INTS2: variants seen among roughly 807,000 people sequenced by gnomAD.
The protein encoded by INTS2 is integrator complex subunit 2, also known as KIAA1287.
In INTS2, 57 loss-of-function variants were observed where a neutral mutation model predicts 139.6. The observed-to-expected ratio is 0.41, with a 90% CI of 0.33 to 0.51. The LOEUF is 0.51. Among genes scored for constraint, INTS2 ranks in the 20% least tolerant of loss-of-function variants. The pLI is 0.28. For missense variants in INTS2, 1,196 were observed against 1,436.7 expected (o/e 0.83, Z 2.71); for synonymous variants, 473 against 493.4 (o/e 0.96, Z 0.55).
intron 9 of INTS2, among the ~76,000 whole-genome samples, chr17:61,899,813 A>G (rs58624595): frequency 0.16 from 24,893 of 151,488 alleles, 2,491 homozygotes; most frequent in East Asian, 0.54. Flanking sequence ...ACGGGAGGCT[A>G]AGATGGGAGG....
rs77639646 is a variant in INTS2 at position 61,906,562 on chromosome 17, G to T, written c.1181+846C>A. Among the ~76,000 whole-genome samples the T allele has an allele frequency of 3.8e-3, 583 of 152,274 alleles. 1 individual carries two copies. The highest frequency in any genetic ancestry group is 0.01 in the Middle Eastern group (3 of 294). On this transcript the variant is annotated intron_variant, in intron 8 of 24. Coordinates refer to ENST00000251334, the MANE Select transcript of INTS2 (RefSeq NM_001351695.2). ...TCATGGCAACTGAAATGGCAACTGT[G>T]TTGAGAGACCAGCATTATTTAAATA...
At chr17:61,924,228 T>A (rs958689066) in intron 3 of INTS2, among the ~76,000 whole-genome samples, 10 of 152,194 alleles carry the variant, frequency 6.6e-5, no homozygotes, top group African/African-American at 2.2e-4. Flanking sequence ...TCACATACAT[T>A]TTTCAGTTAT....
intron 14 of INTS2, among the ~76,000 whole-genome samples, chr17:61,890,303 T>C (rs2079276894): frequency 6.6e-6 from 1 of 151,940 alleles, no homozygotes; most frequent in South Asian, 2.1e-4. Flanking sequence ...GGGGAAAAAA[T>C]ACTTTCATCA....
At chr17:61,881,235 C>T (rs1221588456) in intron 16 of INTS2, 64 bp from the exon 17 acceptor site, 12 of 1,273,688 alleles carry the variant, frequency 9.4e-6, no homozygotes, top group Non-Finnish European at 1.3e-5. Flanking sequence ...TTCCCCACCC[C>T]TCTCATTTTT....
At chr17:61,905,394 TCGGCTCAC>T (rs2079450883) in intron 8 of INTS2, among the ~76,000 whole-genome samples, 1 of 152,234 alleles carries the variant, frequency 6.6e-6, no homozygotes, top group African/African-American at 2.4e-5. Context: ...TGGCACAATC[TCGGCTCAC>T]TGCAAACTCT....
chr17:61,874,723 A>G (rs2079114138), intron 19 of INTS2, among the ~76,000 whole-genome samples, 190 bp downstream of exon 19: 2 of 152,358 alleles, frequency 1.3e-5, no homozygotes, highest in East Asian at 3.8e-4. Flanking sequence ...ATCACATACT[A>G]AATATTAAAA....
intron 4 of INTS2, chr17:61,921,486 C>A: frequency 3.6e-6 from 1 of 281,670 alleles, no homozygotes; most frequent in Non-Finnish European, 6.6e-6. Context: ...AAATCATTAA[C>A]GAGCATTAAA....
intron 8 of INTS2, 48 bp from the exon 9 acceptor site, chr17:61,904,633 G>T (rs754059775): frequency 9.5e-6 from 14 of 1,474,070 alleles, no homozygotes; most frequent in Admixed American, 7.4e-5. Context: ...TTGGGATGAA[G>T]AAGAAAAAGT....
intron 14 of INTS2, among the ~76,000 whole-genome samples, chr17:61,890,175 AAGAC>A (rs766710434): frequency 6.6e-6 from 1 of 152,250 alleles, no homozygotes; most frequent in Non-Finnish European, 1.5e-5. Flanking sequence ...CTGCTTCTGA[AAGAC>A]AGGAGTCCCA....
rs1328063794 is a variant in INTS2 at position 61,893,756 on chromosome 17, G to A, written c.1698+9C>T. On this transcript the variant is annotated intron_variant, in intron 13 of 24. Coordinates refer to ENST00000251334, the MANE Select transcript of INTS2 (RefSeq NM_001351695.2). This position sits in a 1 kb window ranked among gnomAD's most constrained non-coding sequence, Gnocchi z 5.4. The stretch of plus-strand genomic sequence containing the variant: ...ATGCTTTTATTTTGTTTTATTTGTA[G>A]GGGCATACTTTTATTGACACTTTGT... 9 of 1,556,726 alleles carry A rather than the reference G, an allele frequency of 5.8e-6. 1 individual carries two copies. Among genetic ancestry groups the A allele is most frequent in the African/African-American group, 1.4e-5 (1 of 73,196 alleles).
chr17:61,876,686 G>A lies in INTS2; in HGVS notation c.2456+1201C>T, dbSNP rs1261865428. On this transcript the variant is annotated intron_variant, in intron 18 of 24. Transcript: ENST00000251334. This position sits in a 1 kb window ranked among gnomAD's most constrained non-coding sequence, Gnocchi z 4.1. ...TTGAACTCCTGAGCTCAGGTGATCC[G>A]TCCACCTCGGCCTCCCAAAGTGCTA... Among the ~76,000 whole-genome samples, 2 of 151,966 alleles carry A rather than the reference G, an allele frequency of 1.3e-5. No individual in the cohort carries two copies. The highest frequency in any genetic ancestry group is 3.9e-4 in the East Asian group (2 of 5,180).
chr17:61,891,385 G>A, intron 14 of INTS2, 128 bp downstream of exon 14: 1 of 737,832 alleles, frequency 1.4e-6, no homozygotes, highest in Non-Finnish European at 2.2e-6. Context: ...GGTGATCTAA[G>A]GAAATTTAAT....
At position 61,871,493 on chromosome 17, in the gene INTS2, T is replaced by C. The variant is rs2079088491; in HGVS notation, c.2778+772A>G. On this transcript the variant is annotated intron_variant, in intron 20 of 24. Transcript: ENST00000251334. The surrounding 1 kb of genome is among the most constrained non-coding windows in gnomAD (Gnocchi z 4.9). ...TATTTATCACTGCCTGACATTTTAT[T>C]ATACATGCAGTTGTTTTTCTGTTGT... Among the ~76,000 whole-genome samples, 1 of 152,216 alleles carries C rather than the reference T, an allele frequency of 6.6e-6. No individual in the cohort carries two copies. Among genetic ancestry groups the C allele is most frequent in the Admixed American group, 6.5e-5 (1 of 15,284 alleles).
intron 5 of INTS2, among the ~76,000 whole-genome samples, chr17:61,915,691 C>T (rs868492668): frequency 6.9e-6 from 1 of 145,476 alleles, no homozygotes; most frequent in East Asian, 2.0e-4. Context: ...ATTAGCCGGG[C>T]GTGGTGGCGG....
At chr17:61,906,068 GT>G (rs1424451847) in intron 8 of INTS2, among the ~76,000 whole-genome samples, 3 of 152,108 alleles carry the variant, frequency 2.0e-5, no homozygotes, top group Admixed American at 2.0e-4. Flanking sequence ...TCCAAAAACT[GT>G]TTCCATGTTT....
At position 61,895,347 on chromosome 17, in the gene INTS2, T is replaced by C. The variant is rs766403983; in HGVS notation, c.1531A>G (p.Thr511Ala). ...GTAAAAATTTCCTGTGTGAAGATTG[T>C]CTTCATCCTGCTCAAGGAGCTTGGC... ...IKPSSLSRMK[T>A]IFTQEIFTEQ... The change falls in exon 12 of 25, where the codon ACA (threonine) becomes GCA (alanine). Residue 511 changes from threonine (T) to alanine (A), a missense_variant. Around this residue, in one of 3 missense-constraint regions of INTS2, gnomAD observed 1,129 missense variants for 1,341.9 expected, o/e 0.84. Transcript: ENST00000251334. 7 of 1,585,354 alleles carry C rather than the reference T, an allele frequency of 4.4e-6. No individual in the cohort carries two copies. Among genetic ancestry groups the C allele is most frequent in the African/African-American group, 1.4e-5 (1 of 73,290 alleles).
rs1182235069 is a variant in INTS2, at chr17:61,927,861, G to A, written c.-226C>T. The stretch of plus-strand genomic sequence containing the variant: ...TGTCGATACAAAGTGGGAAGGATGG[G>A]GGCACCACACAAAGGCAGAACCGGG... On this transcript the variant is annotated 5_prime_UTR_variant, in exon 1 of 25. Transcript: ENST00000251334. 9 of 1,613,742 alleles carry A rather than the reference G, an allele frequency of 5.6e-6. No individual in the cohort carries two copies. Among genetic ancestry groups the A allele is most frequent in the African/African-American group, 2.7e-5 (2 of 74,888 alleles).
intron 5 of INTS2, among the ~76,000 whole-genome samples, chr17:61,913,606 T>G (rs576766701): frequency 6.6e-6 from 1 of 152,082 alleles, no homozygotes; most frequent in Admixed American, 6.6e-5. Context: ...GTGAGCCACA[T>G]ACCCAGCCAG....
At chr17:61,911,912 T>C (rs1370849403) in intron 6 of INTS2, 28 bp downstream of exon 6, 3 of 1,601,008 alleles carry the variant, frequency 1.9e-6, no homozygotes, top group African/African-American at 1.4e-5. Context: ...ATAAAGGCCT[T>C]TGTCTAATAA....
Sources: allele counts gnomAD v4.1 joint callset (sites outside exome capture counted in the v4.1 genomes callset), GRCh38; gene constraint gnomAD v4.1.1; regional missense constraint gnomAD v4.1.1; non-coding constraint Gnocchi (gnomAD v3.1); transcripts MANE v1.5; gene names NCBI Gene and HGNC (gene_info 2026-07-23, HGNC 2026-07-21).